The following MEGF11 variants were observed in gnomAD, a reference collection of about 807,000 sequenced individuals.
MEGF11 encodes the protein multiple epidermal growth factor-like domains protein 11.
A neutral mutation model predicts 146.6 loss-of-function variants in MEGF11; 126 were observed. The ratio of observed to expected loss-of-function variants is 0.86; its 90% confidence interval spans 0.74 to 1.00. The LOEUF is 1.00. MEGF11 is among the 50% of genes least tolerant of loss of function. The pLI, the probability that MEGF11 is intolerant of heterozygous loss-of-function variation, is 0.00. For missense variants in MEGF11, 1,509 were observed against 1,521.2 expected, an observed-to-expected ratio of 0.99 and a Z score of 0.13; for synonymous variants, 532 against 583.4, an observed-to-expected ratio of 0.91 and a Z score of 1.27.
intron 10 of MEGF11, among the ~76,000 whole-genome samples, chr15:65,955,435 G>T: frequency 6.7e-6 from 1 of 148,562 alleles, no homozygotes. Context: ...TCTTAGTAAT[G>T]TGTTTTTACT....
At chr15:66,178,364 G>T (rs186003989) in intron 1 of MEGF11, among the ~76,000 whole-genome samples, 1 of 152,148 alleles carries the variant, frequency 6.6e-6, no homozygotes, top group Non-Finnish European at 1.5e-5. Flanking sequence ...CTGGGCAGTT[G>T]TCCAGCTCCA....
chr15:66,100,863 GGTGGGTGGGTGA>G (rs2086765794), intron 4 of MEGF11, among the ~76,000 whole-genome samples: 2 of 138,768 alleles, frequency 1.4e-5, no homozygotes, highest in African/African-American at 2.6e-5. Context: ...TGGGTGGGTG[GGTGGGTGGGTGA>G]GTGGGTGAGT....
intron 5 of MEGF11, among the ~76,000 whole-genome samples, chr15:66,055,882 A>G (rs888919484): frequency 2.0e-5 from 3 of 152,184 alleles, no homozygotes; most frequent in Non-Finnish European, 4.4e-5. Context: ...CAGGATAAAA[A>G]AGAAGCCCCG....
At chr15:66,100,160 T>G (rs1485345817) in intron 4 of MEGF11, among the ~76,000 whole-genome samples, 1 of 152,204 alleles carries the variant, frequency 6.6e-6, no homozygotes, top group East Asian at 1.9e-4. Context: ...CATGTACATG[T>G]GCATTCACTC....
At chr15:66,175,967 CAACAAA>C (rs1459162076) in intron 1 of MEGF11, among the ~76,000 whole-genome samples, 3 of 152,048 alleles carry the variant, frequency 2.0e-5, no homozygotes, top group African/African-American at 7.2e-5. Flanking sequence ...ACAACAACAA[CAACAAA>C]AACACATAAT....
chr15:65,991,260 A>G (rs779980339), intron 5 of MEGF11, among the ~76,000 whole-genome samples: 4 of 152,170 alleles, frequency 2.6e-5, no homozygotes, highest in African/African-American at 7.2e-5. Context: ...CCGAGAGCTT[A>G]CCAGGGACCA....
At chr15:66,033,365 G>A (rs755113121) in intron 5 of MEGF11, among the ~76,000 whole-genome samples, 35 of 152,342 alleles carry the variant, frequency 2.3e-4, no homozygotes, top group African/African-American at 6.5e-4. Context: ...GCCCTCCACA[G>A]GCTCCATGCC....
chr15:66,071,499 C>A (rs984704842), intron 5 of MEGF11, among the ~76,000 whole-genome samples: 1 of 152,224 alleles, frequency 6.6e-6, no homozygotes, highest in East Asian at 1.9e-4. Context: ...ATTTGCTAAG[C>A]AAATTGTATT....
intron 1 of MEGF11, among the ~76,000 whole-genome samples, chr15:66,213,377 CA>C (rs1388021802): frequency 2.0e-5 from 3 of 152,072 alleles, no homozygotes; most frequent in African/African-American, 7.2e-5. Context: ...CTCAAGTGTC[CA>C]AATACTGAGC....
At chr15:66,246,685 C>T (rs548371631) in intron 1 of MEGF11, among the ~76,000 whole-genome samples, 1 of 152,048 alleles carries the variant, frequency 6.6e-6, no homozygotes, top group Non-Finnish European at 1.5e-5. Context: ...GGTGGCAACA[C>T]CTGTAGTCCC....
At chr15:65,986,259 G>A (rs2081854307) in intron 5 of MEGF11, among the ~76,000 whole-genome samples, 2 of 152,014 alleles carry the variant, frequency 1.3e-5, no homozygotes, top group South Asian at 4.2e-4. Context: ...TGTTTTATGG[G>A]GCTCCTAAAA....
In MEGF11 at chr15:66,241,177, G is replaced by A. The variant is rs375391070; in HGVS notation, c.-9+12428C>T. Among the ~76,000 whole-genome samples, 80 of 152,246 alleles carry A rather than the reference G, an allele frequency of 5.3e-4. 3 individuals carry two copies. In the South Asian group the frequency reaches 0.016, roughly 30 times the overall value. The stretch of plus-strand genomic sequence containing the variant: ...CCCCCGCAGCTGCTCCTCCTCCCAG[G>A]GCCCAGGGTCTCTACCCACTGAACC... On this transcript the variant is annotated intron_variant, in intron 1 of 25. Coordinates refer to ENST00000395614, the MANE Select transcript of MEGF11 (RefSeq NM_001385028.1).
intron 5 of MEGF11, among the ~76,000 whole-genome samples, chr15:66,028,662 G>A (rs1215295975): frequency 1.3e-5 from 2 of 152,196 alleles, no homozygotes; most frequent in African/African-American, 4.8e-5. Context: ...AACAATAGGG[G>A]AATTGTTAAG....
At chr15:65,955,614 C>T (rs1276826341) in intron 10 of MEGF11, among the ~76,000 whole-genome samples, 2 of 147,836 alleles carry the variant, frequency 1.4e-5, no homozygotes, top group East Asian at 3.9e-4. Flanking sequence ...CGTGGTGGCA[C>T]ATGCCTGTAA....
At chr15:66,128,254 G>T in intron 2 of MEGF11, 52 bp downstream of exon 2, 1 of 1,258,956 alleles carries the variant, frequency 7.9e-7, no homozygotes, top group Non-Finnish European at 1.1e-6. Context: ...CTACTGCCAT[G>T]CCCAGGGCGA....
rs1391884292 is a variant in MEGF11 at position 66,097,243 on chromosome 15, C to T, written c.302-2749G>A. Reference sequence around the variant, plus strand: ...GCCGTATTTGGCAATTGGGCCACCGCGTGTTTGGACACCTGGTGGGGAGGG... The same window carrying T: ...GCCGTATTTGGCAATTGGGCCACCGTGTGTTTGGACACCTGGTGGGGAGGG... On this transcript the variant is annotated intron_variant, in intron 4 of 25. Transcript: ENST00000395614. Among the ~76,000 whole-genome samples, 7 of 152,316 alleles carry T rather than the reference C, an allele frequency of 4.6e-5. 1 individual carries two copies. The highest frequency in any genetic ancestry group is 3.3e-4 in the Admixed American group (5 of 15,308).
intron 5 of MEGF11, among the ~76,000 whole-genome samples, chr15:66,023,660 G>T (rs2083234729): frequency 6.6e-6 from 1 of 152,236 alleles, no homozygotes; most frequent in Admixed American, 6.5e-5. Context: ...GACCCAAGTG[G>T]GGTCGGCGTG....
At chr15:66,010,495 A>G (rs2082677981) in intron 5 of MEGF11, among the ~76,000 whole-genome samples, 1 of 152,116 alleles carries the variant, frequency 6.6e-6, no homozygotes, top group Admixed American at 6.6e-5. Flanking sequence ...ACCCAGCAAA[A>G]TCTCATAATG....
chr15:66,166,141 G>A (rs1460543882), intron 1 of MEGF11, among the ~76,000 whole-genome samples: 2 of 152,090 alleles, frequency 1.3e-5, no homozygotes, highest in Non-Finnish European at 2.9e-5. Flanking sequence ...CATCTTCCCT[G>A]GGACGGCTGG....
Sources: allele counts gnomAD v4.1 joint callset (sites outside exome capture counted in the v4.1 genomes callset), GRCh38; gene constraint gnomAD v4.1.1; transcripts MANE v1.5; gene names NCBI Gene and HGNC (gene_info 2026-07-23, HGNC 2026-07-21).